ADNP2: variants seen among roughly 807,000 people sequenced by gnomAD.
ADNP2 encodes the protein activity-dependent neuroprotector homeobox protein 2.
ADNP2 carries 8 observed loss-of-function variants against 16.4 expected under a neutral mutation model. The ratio of observed to expected loss-of-function variants is 0.49; its 90% CI spans 0.29 to 0.88. The LOEUF (loss-of-function observed/expected upper bound fraction) is 0.88. Among genes scored for constraint, ADNP2 ranks in the 40% least tolerant of loss-of-function variants. ADNP2 has a pLI of 0.09. For synonymous variants in ADNP2, 637 were observed against 545.8 expected (o/e 1.17, Z -2.33); for missense variants, 1,397 against 1,395.1 (o/e 1.00, Z -0.02).
chr18:80,138,438 GA>G lies in ADNP2; in HGVS notation c.3029del (p.Lys1010ArgfsTer2). The G allele has an allele frequency of 6.2e-7, 1 of 1,614,074 alleles. No homozygotes were observed. Among genetic ancestry groups the G allele is most frequent in the Non-Finnish European group, 8.5e-7 (1 of 1,180,026 alleles). On this transcript the variant is annotated frameshift_variant, in exon 4 of 4. Transcript: ENST00000262198. LOFTEE classifies it low-confidence loss of function (END_TRUNC). ...AAATGCCGATGCAGCCCCGGGTCCA[GA>G]AAAGGTGACGAGTGTTGTGCCTTTT... ...ILNADAAPGP[E>X]KVTSVVPFKR...
intron 1 of ADNP2, among the ~76,000 whole-genome samples, chr18:80,111,719 A>AT (rs2052358614): frequency 6.6e-6 from 1 of 151,720 alleles, no homozygotes; most frequent in Non-Finnish European, 1.5e-5. Flanking sequence ...TTTTTTGGTA[A>AT]TTTTTAGTAG....
At chr18:80,120,694 A>G (rs36046270) in intron 2 of ADNP2, among the ~76,000 whole-genome samples, 27,458 of 150,170 alleles carry the variant, frequency 0.18, 2,754 homozygotes, top group Middle Eastern at 0.26. Context: ...TCACTCTGTC[A>G]CCAGGCTGGA....
chr18:80,131,499 C>T (rs2052495952), intron 2 of ADNP2, among the ~76,000 whole-genome samples: 1 of 151,356 alleles, frequency 6.6e-6, no homozygotes, highest in Non-Finnish European at 1.5e-5. Flanking sequence ...TTCTTTCATT[C>T]CCTAAGACGA....
At chr18:80,119,021 C>T (rs1032042642) in intron 2 of ADNP2, among the ~76,000 whole-genome samples, 3 of 152,024 alleles carry the variant, frequency 2.0e-5, no homozygotes, top group African/African-American at 7.2e-5. Flanking sequence ...AAGACTCACG[C>T]GTAAACCATT....
intron 2 of ADNP2, among the ~76,000 whole-genome samples, chr18:80,124,250 G>GTC (rs1235088855): frequency 2.0e-5 from 3 of 152,108 alleles, no homozygotes; most frequent in South Asian, 2.1e-4. Context: ...CTAATAATCT[G>GTC]TCTCTCTCTC....
chr18:80,112,465 C>CT (rs909926632), intron 1 of ADNP2, among the ~76,000 whole-genome samples: 8 of 151,766 alleles, frequency 5.3e-5, no homozygotes, highest in African/African-American at 1.7e-4. Context: ...ACTTTTCCCC[C>CT]TCCTTTTTTT....
chr18:80,124,460 A>G (rs1346665371), intron 2 of ADNP2, among the ~76,000 whole-genome samples: 3 of 152,222 alleles, frequency 2.0e-5, no homozygotes, highest in African/African-American at 4.8e-5. Flanking sequence ...CAAAGAAAGG[A>G]TGTTATAAAG....
chr18:80,113,160 A>C (rs1194539477), intron 1 of ADNP2, among the ~76,000 whole-genome samples: 2 of 152,210 alleles, frequency 1.3e-5, no homozygotes, highest in Non-Finnish European at 2.9e-5. Context: ...GCTAGAACCC[A>C]AATCAGTGCA....
At chr18:80,134,945 A>G (rs1363491946) in intron 3 of ADNP2, among the ~76,000 whole-genome samples, 1 of 152,242 alleles carries the variant, frequency 6.6e-6, no homozygotes, top group Admixed American at 6.5e-5. Context: ...TGGGTTTAAC[A>G]TTTTGAAAGC....
intron 1 of ADNP2, among the ~76,000 whole-genome samples, chr18:80,115,957 G>A (rs2052386552): frequency 6.6e-6 from 1 of 152,104 alleles, no homozygotes; most frequent in South Asian, 2.1e-4. Context: ...TAGAGATGGG[G>A]CTTCACCATA....
At chr18:80,119,705 C>T (rs1449461240) in intron 2 of ADNP2, among the ~76,000 whole-genome samples, 2 of 152,196 alleles carry the variant, frequency 1.3e-5, no homozygotes, top group Non-Finnish European at 2.9e-5. Flanking sequence ...TAAACTATAT[C>T]TAAACCCTGC....
chr18:80,137,277 G>T lies in ADNP2; in HGVS notation c.1864G>T (p.Val622Phe). The T allele has an allele frequency of 6.2e-7, 1 of 1,614,162 alleles. No individual in the cohort carries two copies. Among genetic ancestry groups the T allele is most frequent in the Non-Finnish European group, 8.5e-7 (1 of 1,180,046 alleles). The change falls in exon 4 of 4, where the codon GTC (valine) becomes TTC (phenylalanine). Residue 622 changes from valine (V) to phenylalanine (F), a missense_variant. Val to Phe is a conservative substitution (Grantham distance 50). Around this residue, in one of 3 missense-constraint regions of ADNP2, gnomAD observed 611 missense variants for 648.7 expected, o/e 0.94. Coordinates refer to ENST00000262198, the MANE Select transcript of ADNP2 (RefSeq NM_014913.4). The surrounding 1 kb of genome is among the most constrained non-coding windows in gnomAD (Gnocchi z 4.2). The part of the protein sequence containing the change: ...IPTYTLAPVS[V>F]TLPVPPGGLA... ...AACCTACACGCTGGCCCCCGTGTCT[G>T]TCACTCTGCCGGTTCCCCCTGGAGG...
In ADNP2 at chr18:80,137,752, A is replaced by G. The variant is rs1197096797; in HGVS notation, c.2339A>G (p.His780Arg). ...TGCTTGTTCTGTCCATGCACCTTCC[A>G]TGATATCAAAGGTCTTTCAGAGCAC... is the stretch of plus-strand genomic sequence containing the variant. Reference protein sequence around the residue: ...LGCLFCPCTFHDIKGLSEHSR... With the variant: ...LGCLFCPCTFRDIKGLSEHSR... The change falls in exon 4 of 4, where the codon CAT (histidine) becomes CGT (arginine). Residue 780 changes from histidine (H) to arginine (R), a missense_variant. Physicochemically the swap from His to Arg is conservative, Grantham distance 29 (BLOSUM62 0). This residue lies in a region of ADNP2 where 611 missense variants were observed against 648.7 expected (regional missense o/e 0.94). Transcript: ENST00000262198. The surrounding 1 kb of genome is among the most constrained non-coding windows in gnomAD (Gnocchi z 4.2). The G allele has an allele frequency of 3.1e-6, 5 of 1,614,050 alleles. No homozygotes were observed. Among genetic ancestry groups the G allele is most frequent in the Admixed American group, 1.7e-5 (1 of 60,020 alleles).
Position 80,137,519 on chromosome 18 carries a change from C to T in ADNP2, c.2106C>T (p.Leu702=). The T allele has an allele frequency of 1.2e-6, 2 of 1,614,258 alleles. No individual in the cohort carries two copies. Among genetic ancestry groups the T allele is most frequent in the Non-Finnish European group, 1.7e-6 (2 of 1,180,052 alleles). The change falls in exon 4 of 4, where the codon CTC becomes CTT. Residue 702 remains leucine, a synonymous_variant. Transcript: ENST00000262198. This position sits in a 1 kb window ranked among gnomAD's most constrained non-coding sequence, Gnocchi z 4.2. The part of the protein sequence containing the change: ...QWKTCPVCNE[L]FPSNVYQVHM... ...AGACCTGCCCTGTCTGCAACGAGCTCTTTCCGTCCAACGTCTACCAGGTCC... is the reference window on the plus strand; with the variant it reads ...AGACCTGCCCTGTCTGCAACGAGCTTTTTCCGTCCAACGTCTACCAGGTCC...
At chr18:80,132,615 C>CT (rs1555730123) in intron 2 of ADNP2, among the ~76,000 whole-genome samples, 1 of 151,596 alleles carries the variant, frequency 6.6e-6, no homozygotes, top group African/African-American at 2.4e-5. Context: ...TTCTCTTTCT[C>CT]TTTCTTTTTT....
intron 1 of ADNP2, chr18:80,109,907 G>T: frequency 6.6e-6 from 1 of 151,732 alleles, no homozygotes; most frequent in South Asian, 1.9e-4. Context: ...GAGCTGTGGC[G>T]ACCCCTGTAA....
At chr18:80,132,070 C>G (rs1455397223) in intron 2 of ADNP2, among the ~76,000 whole-genome samples, 1 of 152,068 alleles carries the variant, frequency 6.6e-6, no homozygotes, top group Non-Finnish European at 1.5e-5. Context: ...TTTTAGAATC[C>G]TTACGTTTAG....
chr18:80,114,501 A>G (rs2052377015), intron 1 of ADNP2, among the ~76,000 whole-genome samples: 1 of 152,182 alleles, frequency 6.6e-6, no homozygotes, highest in South Asian at 2.1e-4. Flanking sequence ...TTTTTCCCTG[A>G]ATCACTTGAG....
intron 1 of ADNP2, 89 bp downstream of exon 1, chr18:80,109,561 C>A (rs1170006933): frequency 6.7e-6 from 1 of 148,314 alleles, no homozygotes; most frequent in Admixed American, 6.7e-5. Flanking sequence ...CCCTCCGAGC[C>A]CCGCCCCCGC....
Sources: allele counts gnomAD v4.1 joint callset (sites outside exome capture counted in the v4.1 genomes callset), GRCh38; gene constraint gnomAD v4.1.1; regional missense constraint gnomAD v4.1.1; non-coding constraint Gnocchi (gnomAD v3.1); transcripts MANE v1.5; gene names NCBI Gene and HGNC (gene_info 2026-07-23, HGNC 2026-07-21).